Variants in ARHGEF18 observed in about 807,000 individuals in gnomAD.
The protein encoded by ARHGEF18 is Rho/Rac guanine nucleotide exchange factor 18.
ARHGEF18 carries 93 observed loss-of-function variants against 155.7 expected under a neutral mutation model. The ratio of observed to expected loss-of-function variants is 0.60; its 90% CI spans 0.50 to 0.71. The LOEUF (loss-of-function observed/expected upper bound fraction) is 0.71. ARHGEF18 is among the 30% of genes least tolerant of loss of function. ARHGEF18 has a pLI of 0.00. For missense variants in ARHGEF18, 1,593 were observed against 1,816.1 expected, an observed-to-expected ratio of 0.88 and a Z score of 2.23; for synonymous variants, 742 against 753.1, an observed-to-expected ratio of 0.99 and a Z score of 0.24.
chr19:7,455,865 T>G (rs1295496796), intron 17 of ARHGEF18, among the ~76,000 whole-genome samples: 1 of 152,104 alleles, frequency 6.6e-6, no homozygotes, highest in Non-Finnish European at 1.5e-5. Flanking sequence ...AACTGTCAGA[T>G]CTTGTGAGAC....
chr19:7,419,507 C>T (rs1031096495), intron 10 of ARHGEF18, among the ~76,000 whole-genome samples: 3 of 151,988 alleles, frequency 2.0e-5, no homozygotes, highest in Non-Finnish European at 4.4e-5. Context: ...AAGGGAACTC[C>T]CGGCCTCCAG....
chr19:7,363,161 T>C (rs772871811), intron 2 of ARHGEF18, among the ~76,000 whole-genome samples: 8 of 151,564 alleles, frequency 5.3e-5, no homozygotes, highest in Non-Finnish European at 7.4e-5. Flanking sequence ...GGTGGGTGTC[T>C]GGATAGATGG....
At chr19:7,474,506 G>A (rs1977172368), downstream of ARHGEF18, among the ~76,000 whole-genome samples, 1 of 151,994 alleles carries the variant, frequency 6.6e-6, no homozygotes, top group South Asian at 2.1e-4. Flanking sequence ...AGCCTCCCGA[G>A]TAGCTGGGAT....
intron 10 of ARHGEF18, among the ~76,000 whole-genome samples, chr19:7,412,899 C>T (rs1972778384): frequency 6.6e-6 from 1 of 150,912 alleles, no homozygotes; most frequent in Non-Finnish European, 1.5e-5. Flanking sequence ...TGTCTGTTTA[C>T]ATCCTTTGCC....
At position 7,451,272 on chromosome 19, in the gene ARHGEF18, CCTT is replaced by C. The variant is rs746392899; in HGVS notation, c.1855+9_1855+11del. On this transcript the variant is annotated splice_region_variant and intron_variant, in intron 16 of 28. Transcript: ENST00000668164. ...CATCATCCAGAACACGGAAGGTAGG[CCTT>C]CTCCCCACTGCCCCGCCCGCCCGTG... 3.1e-6 allele frequency: 5 copies of C among 1,613,018 alleles called. No homozygotes were observed. The highest frequency in any genetic ancestry group is 4.2e-6 in the Non-Finnish European group (5 of 1,179,540).
chr19:7,442,383 GCCA>G (rs2145784607), intron 13 of ARHGEF18, among the ~76,000 whole-genome samples: 1 of 152,108 alleles, frequency 6.6e-6, no homozygotes, highest in South Asian at 2.1e-4. Flanking sequence ...ACAGGCATGG[GCCA>G]CTACACCTGG....
intron 1 of ARHGEF18, among the ~76,000 whole-genome samples, chr19:7,356,560 C>T (rs1969315986): frequency 6.6e-6 from 1 of 152,102 alleles, no homozygotes; most frequent in South Asian, 2.1e-4. Context: ...AGGTGTGAGC[C>T]AGCGCGCCCA....
chr19:7,421,023 C>T (rs543420897), intron 10 of ARHGEF18, among the ~76,000 whole-genome samples: 23 of 152,256 alleles, frequency 1.5e-4, no homozygotes, highest in African/African-American at 5.3e-4. Flanking sequence ...CTCCACCTTC[C>T]GGGCTCAAGT....
chr19:7,375,670 C>T lies in ARHGEF18; in HGVS notation c.276-50C>T, dbSNP rs1970429514. On this transcript the variant is annotated intron_variant, in intron 3 of 28. Coordinates refer to ENST00000668164, the MANE Select transcript of ARHGEF18 (RefSeq NM_001367823.1). Reference sequence around the variant, plus strand: ...CCCCCCTGGATGCCTGGGGCAGCAGCCAGGTGGGCAAGACCTGCTGAAGCC... The same window carrying T: ...CCCCCCTGGATGCCTGGGGCAGCAGTCAGGTGGGCAAGACCTGCTGAAGCC... 5 of 1,233,290 alleles carry T rather than the reference C, an allele frequency of 4.1e-6. No homozygotes were observed. The African/African-American group carries it at 7.7e-5, about 19-fold the overall frequency. The allele number at this position is 1,233,290 out of a possible 1,614,324, so 76.4% of individuals were successfully genotyped here.
intron 26 of ARHGEF18, 88 bp from the exon 27 acceptor site, chr19:7,468,737 A>G: frequency 7.3e-7 from 1 of 1,368,154 alleles, no homozygotes; most frequent in Non-Finnish European, 9.8e-7. Flanking sequence ...GGAGAGGTCG[A>G]GGGTCTCCTG....
Position 7,440,955 on chromosome 19 carries a change from A to T in ARHGEF18, c.1106+473A>T, listed in dbSNP as rs1372637166. ...GAGTTCGTGGGAAAGGGAGTAAATT[A>T]TCATTTTCCTCTGAGTAAGGACTGC... On this transcript the variant is annotated intron_variant, in intron 11 of 28. Coordinates refer to ENST00000668164, the MANE Select transcript of ARHGEF18 (RefSeq NM_001367823.1). This position sits in a 1 kb window ranked among gnomAD's most constrained non-coding sequence, Gnocchi z 5.4. Among the ~76,000 whole-genome samples the T allele has an allele frequency of 6.6e-6, 1 of 152,042 alleles. No homozygotes were observed. The highest frequency in any genetic ancestry group is 2.4e-5 in the African/African-American group (1 of 41,404).
rs1045039118 is a variant in ARHGEF18 at position 7,440,965 on chromosome 19, T to C, written c.1106+483T>C. On this transcript the variant is annotated intron_variant, in intron 11 of 28. Transcript: ENST00000668164. This position sits in a 1 kb window ranked among gnomAD's most constrained non-coding sequence, Gnocchi z 5.4. ...GAAAGGGAGTAAATTATCATTTTCC[T>C]CTGAGTAAGGACTGCCCTCCCACCT... 8.5e-5 allele frequency among the ~76,000 whole-genome samples: 13 copies of C among 152,104 alleles called. No individual in the cohort carries two copies. The highest frequency in any genetic ancestry group is 1.6e-4 in the Non-Finnish European group (11 of 68,010).
chr19:7,434,398 C>A (rs927954260), intron 10 of ARHGEF18, among the ~76,000 whole-genome samples: 1 of 152,102 alleles, frequency 6.6e-6, no homozygotes, highest in African/African-American at 2.4e-5. Context: ...TATTTTTTCC[C>A]CCTCAGGTCA....
rs529955094 is a variant in ARHGEF18, at chr19:7,406,111, C to T, written c.967+22908C>T. Among the ~76,000 whole-genome samples, 7 of 151,962 alleles carry T rather than the reference C, an allele frequency of 4.6e-5. No individual in the cohort carries two copies. The East Asian group carries it at 9.7e-4, about 21-fold the overall frequency. On this transcript the variant is annotated intron_variant, in intron 10 of 28. Transcript: ENST00000668164. ...TGTTGTTGTTATTGAGACGGAGTTT[C>T]GCTCTGTCACCTAGGCTGGAGTGCG...
At chr19:7,410,373 T>A (rs1487639123) in intron 10 of ARHGEF18, among the ~76,000 whole-genome samples, 1 of 151,894 alleles carries the variant, frequency 6.6e-6, no homozygotes, top group Non-Finnish European at 1.5e-5. Context: ...TTAAAATTGT[T>A]GGCTTGAAAT....
At chr19:7,379,045 C>A in intron 6 of ARHGEF18, 77 bp from the exon 7 acceptor site, 1 of 1,214,004 alleles carries the variant, frequency 8.2e-7, no homozygotes, top group Non-Finnish European at 1.0e-6. Context: ...GCTTGGGCAA[C>A]CCCAGCTTAT....
At position 7,458,506 on chromosome 19, in the gene ARHGEF18, A is replaced by G. The variant is rs751649931; in HGVS notation, c.2182-6A>G. The G allele has an allele frequency of 5.6e-6, 9 of 1,613,646 alleles. No homozygotes were observed. Among genetic ancestry groups the G allele is most frequent in the South Asian group, 1.1e-5 (1 of 91,036 alleles). On this transcript the variant is annotated splice_polypyrimidine_tract_variant and splice_region_variant and intron_variant, in intron 18 of 28. Coordinates refer to ENST00000668164, the MANE Select transcript of ARHGEF18 (RefSeq NM_001367823.1). ...GTGACCTCCCCAATGCCCTCTACTC[A>G]TGCAGGACTCAAAGCCACCCGTCAT... is the stretch of plus-strand genomic sequence containing the variant.
chr19:7,363,820 G>A (rs530391285), intron 2 of ARHGEF18, among the ~76,000 whole-genome samples: 42 of 151,368 alleles, frequency 2.8e-4, no homozygotes, highest in African/African-American at 1.0e-3. Context: ...TAATGGGTGG[G>A]TGAATGGATG....
At chr19:7,441,045 A>G (rs1294246501) in intron 11 of ARHGEF18, among the ~76,000 whole-genome samples, 1 of 151,962 alleles carries the variant, frequency 6.6e-6, no homozygotes, top group African/African-American at 2.4e-5. Flanking sequence ...CAGGGGCCCC[A>G]AGTGGGCTCC....
Sources: gnomAD v4.1 joint callset for allele counts (sites outside exome capture counted in the v4.1 genomes callset) on GRCh38, gnomAD v4.1.1 for gene constraint, Gnocchi (gnomAD v3.1) non-coding constraint, MANE v1.5 for transcripts, NCBI Gene and HGNC (gene_info 2026-07-23, HGNC 2026-07-21) for gene names.